Variants in ITPR1 observed in about 807,000 individuals in gnomAD.
ITPR1 encodes the protein inositol 1,4,5-trisphosphate receptor type 1.
Under a neutral mutation model 318.4 loss-of-function variants are expected in ITPR1, and 96 were observed. The observed-to-expected ratio is 0.30, with a 90% CI of 0.26 to 0.36. ITPR1 has a LOEUF of 0.36. Among genes scored for constraint, ITPR1 ranks in the 10% least tolerant of loss-of-function variants. The pLI is 1.00. For synonymous variants in ITPR1, 1,312 were observed against 1,289.9 expected (o/e 1.02, Z -0.37); for missense variants, 2,440 against 3,460.2 (o/e 0.71, Z 7.40).
chr3:4,568,092 G>A (rs372457054), intron 4 of ITPR1, among the ~76,000 whole-genome samples: 45 of 152,318 alleles, frequency 3.0e-4, no homozygotes, highest in East Asian at 2.7e-3. Flanking sequence ...GCAGACCTGA[G>A]AAGAGAAGGA....
chr3:4,508,984 T>C (rs928468039), intron 2 of ITPR1, among the ~76,000 whole-genome samples: 32 of 152,180 alleles, frequency 2.1e-4, no homozygotes, highest in African/African-American at 7.5e-4. Context: ...ATTCATCAAG[T>C]AGAGGAATCA....
At chr3:4,671,147 C>T (rs2094070355) in intron 20 of ITPR1, among the ~76,000 whole-genome samples, 1 of 152,196 alleles carries the variant, frequency 6.6e-6, no homozygotes, top group Admixed American at 6.5e-5. Flanking sequence ...GTGCTTGCCT[C>T]AGTCCCTGGT....
intron 60 of ITPR1, among the ~76,000 whole-genome samples, chr3:4,818,510 C>T (rs753465585): frequency 6.6e-6 from 1 of 152,180 alleles, no homozygotes; most frequent in Non-Finnish European, 1.5e-5. Flanking sequence ...GGAACTGGGG[C>T]TGGGATTTTA....
intron 4 of ITPR1, among the ~76,000 whole-genome samples, chr3:4,622,050 T>A (rs2092655668): frequency 6.6e-6 from 1 of 152,122 alleles, no homozygotes; most frequent in Admixed American, 6.5e-5. Context: ...GTAACAGACT[T>A]GTGCAACTGG....
At chr3:4,496,865 A>T (rs1361012404) in intron 2 of ITPR1, among the ~76,000 whole-genome samples, 2 of 152,232 alleles carry the variant, frequency 1.3e-5, no homozygotes, top group Non-Finnish European at 2.9e-5. Flanking sequence ...AACAAACACC[A>T]AATATGAACA....
At chr3:4,764,886 T>G (rs927637112) in intron 44 of ITPR1, among the ~76,000 whole-genome samples, 1 of 152,162 alleles carries the variant, frequency 6.6e-6, no homozygotes, top group Middle Eastern at 3.2e-3. Context: ...TTTTGTTCAC[T>G]TCTCTTATAA....
At chr3:4,605,749 A>G (rs1266560055) in intron 4 of ITPR1, among the ~76,000 whole-genome samples, 1 of 152,154 alleles carries the variant, frequency 6.6e-6, no homozygotes, top group Non-Finnish European at 1.5e-5. Flanking sequence ...GTAAGAAAAA[A>G]TGACCATGAG....
At chr3:4,729,093 A>C (rs1034416720) in intron 42 of ITPR1, among the ~76,000 whole-genome samples, 9 of 152,166 alleles carry the variant, frequency 5.9e-5, no homozygotes, top group Non-Finnish European at 1.3e-4. Flanking sequence ...GCTGTCCCTC[A>C]TGTCCTGAGC....
Position 4,709,547 on chromosome 3 carries a change from G to A in ITPR1, c.4843-778G>A, listed in dbSNP as rs537937920. Among the ~76,000 whole-genome samples the A allele has an allele frequency of 5.3e-4, 81 of 152,324 alleles. 1 individual carries two copies. Among genetic ancestry groups the A allele is most frequent in the South Asian group, 2.3e-3 (11 of 4,824 alleles). On this transcript the variant is annotated intron_variant, in intron 37 of 61. Transcript: ENST00000649015. ...GTCTTAGCCAACATGCCTGTAGGCA[G>A]GTTCTGAGTCACCAAACCATGGAGC...
intron 53 of ITPR1, among the ~76,000 whole-genome samples, chr3:4,799,268 A>C (rs2048074875): frequency 6.6e-6 from 1 of 152,242 alleles, no homozygotes. Flanking sequence ...ACAATTGTTA[A>C]ATGCGTAGAA....
At chr3:4,629,756 G>T (rs559143744) in intron 5 of ITPR1, among the ~76,000 whole-genome samples, 3 of 152,334 alleles carry the variant, frequency 2.0e-5, no homozygotes, top group East Asian at 3.9e-4. Context: ...ACATAGGAAG[G>T]GTGCCAAATC....
chr3:4,592,991 T>C (rs934380969), intron 4 of ITPR1, among the ~76,000 whole-genome samples: 11 of 152,152 alleles, frequency 7.2e-5, no homozygotes, highest in African/African-American at 2.4e-4. Flanking sequence ...GCTTCTCTGG[T>C]GTAATAATTG....
chr3:4,544,850 T>G (rs2084812085), intron 4 of ITPR1, among the ~76,000 whole-genome samples: 1 of 152,180 alleles, frequency 6.6e-6, no homozygotes, highest in Non-Finnish European at 1.5e-5. Flanking sequence ...CTGGAGTGCG[T>G]GTGGTGGTGC....
intron 40 of ITPR1, 139 bp from the exon 41 acceptor site, chr3:4,725,407 C>T (rs1234340209): frequency 2.0e-5 from 14 of 706,506 alleles, no homozygotes; most frequent in South Asian, 4.6e-5. Flanking sequence ...AAGCCCACTT[C>T]GGCAGGTGAT....
At chr3:4,843,760 T>C (rs2051547258) in intron 61 of ITPR1, among the ~76,000 whole-genome samples, 1 of 152,142 alleles carries the variant, frequency 6.6e-6, no homozygotes, top group Non-Finnish European at 1.5e-5. Context: ...TGGGATCACT[T>C]ATGAAGACAG....
intron 5 of ITPR1, among the ~76,000 whole-genome samples, chr3:4,638,026 T>C (rs887364070): frequency 1.3e-5 from 2 of 152,294 alleles, no homozygotes; most frequent in Middle Eastern, 3.4e-3. Context: ...TGTCCCCATT[T>C]TGTGATGAGA....
At chr3:4,782,516 C>T in intron 49 of ITPR1, 103 bp from the exon 50 acceptor site, 1 of 1,256,094 alleles carries the variant, frequency 8.0e-7, no homozygotes, top group Non-Finnish European at 1.1e-6. Flanking sequence ...TGCGGAACAG[C>T]CTTTTCCCTG....
chr3:4,628,923 C>T (rs1373103172), intron 5 of ITPR1, among the ~76,000 whole-genome samples: 1 of 152,252 alleles, frequency 6.6e-6, no homozygotes, highest in African/African-American at 2.4e-5. Flanking sequence ...CAGCGTATGG[C>T]TAAGTCACAG....
intron 32 of ITPR1, 128 bp downstream of exon 32, chr3:4,691,472 G>A (rs974703375): frequency 1.6e-6 from 1 of 631,948 alleles, no homozygotes; most frequent in Non-Finnish European, 2.8e-6. Flanking sequence ...GTAATTGTGT[G>A]TGCATATGTC....
Sources: allele counts gnomAD v4.1 joint callset (sites outside exome capture counted in the v4.1 genomes callset), GRCh38; gene constraint gnomAD v4.1.1; transcripts MANE v1.5; gene names NCBI Gene and HGNC (gene_info 2026-07-23, HGNC 2026-07-21).